Variants in NRG3 observed in about 807,000 individuals in gnomAD.
NRG3 encodes pro-neuregulin-3, membrane-bound isoform.
Under a neutral mutation model 66.9 loss-of-function variants are expected in NRG3, and 31 were observed. The ratio of observed to expected loss-of-function variants is 0.46; its 90% CI spans 0.35 to 0.63. The LOEUF (loss-of-function observed/expected upper bound fraction) is 0.63, where lower values mean the gene tolerates loss of function less well. Ranked by LOEUF, NRG3 falls within the 20% of genes least tolerant of loss-of-function variation. The pLI, the probability that NRG3 is intolerant of heterozygous loss-of-function variation, is 0.00. For synonymous variants in NRG3, 393 were observed against 359.4 expected (o/e 1.09, Z -1.06); for missense variants, 910 against 878.9 (o/e 1.04, Z -0.45).
chr10:82,472,402 C>A (rs962364385), intron 2 of NRG3, among the ~76,000 whole-genome samples: 7 of 152,126 alleles, frequency 4.6e-5, no homozygotes, highest in Admixed American at 2.6e-4. Context: ...GTTCGGAGTC[C>A]TTTGATTGGT....
chr10:82,933,963 G>T (rs1426342996), intron 4 of NRG3, among the ~76,000 whole-genome samples: 1 of 152,160 alleles, frequency 6.6e-6, no homozygotes, highest in Non-Finnish European at 1.5e-5. Flanking sequence ...CCCAAAAAAG[G>T]AGGTAAATGG....
intron 1 of NRG3, among the ~76,000 whole-genome samples, chr10:82,336,915 TA>T (rs2082421041): frequency 6.6e-6 from 1 of 152,220 alleles, no homozygotes; most frequent in South Asian, 2.1e-4. Flanking sequence ...ATTTTCTCAA[TA>T]ATATTTGTTC....
At chr10:82,117,351 C>T (rs572971560) in intron 1 of NRG3, among the ~76,000 whole-genome samples, 19 of 152,222 alleles carry the variant, frequency 1.2e-4, no homozygotes, top group African/African-American at 4.6e-4. Flanking sequence ...ACTAGCAGCT[C>T]TCTATGGGGA....
chr10:82,648,680 A>G (rs919227439), intron 2 of NRG3, among the ~76,000 whole-genome samples: 1 of 151,996 alleles, frequency 6.6e-6, no homozygotes. Context: ...CTTCTATTTC[A>G]TTGAGCAGTG....
intron 1 of NRG3, among the ~76,000 whole-genome samples, chr10:82,235,964 T>C (rs556864460): frequency 2.0e-5 from 3 of 151,944 alleles, no homozygotes; most frequent in African/African-American, 7.2e-5. Context: ...GGCCCATCCC[T>C]GCCACACACA....
At chr10:82,726,255 G>A (rs908713847) in intron 2 of NRG3, among the ~76,000 whole-genome samples, 4 of 152,152 alleles carry the variant, frequency 2.6e-5, no homozygotes, top group Admixed American at 6.5e-5. Flanking sequence ...TGTCTTACTA[G>A]GGCACAGTTT....
intron 2 of NRG3, among the ~76,000 whole-genome samples, chr10:82,525,657 A>G (rs1189267897): frequency 2.6e-5 from 4 of 151,872 alleles, no homozygotes; most frequent in Non-Finnish European, 5.9e-5. Context: ...GATAAAGCAT[A>G]TCAAATATAA....
intron 2 of NRG3, among the ~76,000 whole-genome samples, chr10:82,513,288 A>G (rs746633452): frequency 1.3e-5 from 2 of 152,160 alleles, no homozygotes; most frequent in Non-Finnish European, 2.9e-5. Flanking sequence ...ACATGACTTC[A>G]TTCCTTTTTA....
intron 1 of NRG3, among the ~76,000 whole-genome samples, chr10:81,949,502 A>G (rs763812993): frequency 8.5e-5 from 13 of 152,184 alleles, no homozygotes; most frequent in Non-Finnish European, 1.3e-4. Flanking sequence ...TCATGGCCAG[A>G]TGGCTGCATC....
chr10:82,610,653 T>A (rs2048256691), intron 2 of NRG3, among the ~76,000 whole-genome samples: 1 of 152,168 alleles, frequency 6.6e-6, no homozygotes, highest in South Asian at 2.1e-4. Context: ...TGACTTAGCA[T>A]CTTAAAAAAT....
chr10:82,483,314 A>C (rs187632387), intron 2 of NRG3, among the ~76,000 whole-genome samples: 2 of 152,350 alleles, frequency 1.3e-5, no homozygotes. Flanking sequence ...TGGGTCTCCC[A>C]GATGGAGGCC....
At chr10:82,091,670 T>C (rs1239411075) in intron 1 of NRG3, among the ~76,000 whole-genome samples, 3 of 152,184 alleles carry the variant, frequency 2.0e-5, no homozygotes, top group African/African-American at 7.2e-5. Context: ...TGTGTGTATA[T>C]GCCAAAAAAT....
intron 1 of NRG3, among the ~76,000 whole-genome samples, chr10:82,084,992 C>T (rs1377294292): frequency 6.6e-6 from 1 of 152,104 alleles, no homozygotes; most frequent in East Asian, 1.9e-4. Flanking sequence ...AACTAGTCCC[C>T]TCAGAAAATG....
At chr10:82,870,507 C>T (rs1399310418) in intron 4 of NRG3, among the ~76,000 whole-genome samples, 2 of 152,060 alleles carry the variant, frequency 1.3e-5, no homozygotes, top group Non-Finnish European at 2.9e-5. Context: ...TAGAAACTGC[C>T]GAACTGAATT....
chr10:82,038,832 C>A (rs776715657), intron 1 of NRG3, among the ~76,000 whole-genome samples: 12 of 152,082 alleles, frequency 7.9e-5, no homozygotes, highest in Non-Finnish European at 1.2e-4. Flanking sequence ...AAACTGGTTT[C>A]TGTCATCCTC....
At chr10:82,209,471 TTATACACTTTAAAGATTA>T (rs2075292068) in intron 1 of NRG3, among the ~76,000 whole-genome samples, 1 of 152,200 alleles carries the variant, frequency 6.6e-6, no homozygotes, top group South Asian at 2.1e-4. Context: ...ATAAGTAGAA[TTATACACTTTAAAGATTA>T]TGTTTATTTA....
chr10:82,048,379 C>G (rs1236644489), intron 1 of NRG3, among the ~76,000 whole-genome samples: 1 of 151,952 alleles, frequency 6.6e-6, no homozygotes, highest in Non-Finnish European at 1.5e-5. Flanking sequence ...CGTAAAAGAA[C>G]AGAAATTATA....
chr10:82,253,462 C>T (rs1366634046), intron 1 of NRG3, among the ~76,000 whole-genome samples: 2 of 152,160 alleles, frequency 1.3e-5, no homozygotes, highest in Admixed American at 1.3e-4. Flanking sequence ...AGCTGTCAGT[C>T]CTGCTCAACA....
chr10:82,024,249 T>C (rs1234789680), intron 1 of NRG3, among the ~76,000 whole-genome samples: 4 of 152,018 alleles, frequency 2.6e-5, no homozygotes, highest in Non-Finnish European at 5.9e-5. Context: ...TCTTAATTCG[T>C]GTAGCTAAGG....
Sources: gnomAD v4.1 joint callset for allele counts (sites outside exome capture counted in the v4.1 genomes callset) on GRCh38, gnomAD v4.1.1 for gene constraint, MANE v1.5 for transcripts, NCBI Gene and HGNC (gene_info 2026-07-23, HGNC 2026-07-21) for gene names.